Variants in DCC observed in about 807,000 individuals in gnomAD.
DCC encodes the protein DCC netrin 1 receptor.
A neutral mutation model predicts 172.5 loss-of-function variants in DCC; 58 were observed. The ratio of observed to expected loss-of-function variants is 0.34; its 90% CI spans 0.27 to 0.42. The LOEUF (loss-of-function observed/expected upper bound fraction) is 0.42, where lower values mean the gene tolerates loss of function less well. DCC is among the 10% of genes least tolerant of loss of function. The pLI is 1.00. For synonymous variants in DCC, 709 were observed against 644.5 expected, an observed-to-expected ratio of 1.10 and a Z score of -1.52; for missense variants, 1,740 against 1,791.0, an observed-to-expected ratio of 0.97 and a Z score of 0.51.
chr18:52,812,554 C>A (rs1446724866), intron 2 of DCC, among the ~76,000 whole-genome samples: 1 of 152,114 alleles, frequency 6.6e-6, no homozygotes, highest in East Asian at 1.9e-4. Context: ...AGTTATCATC[C>A]AAGTTCAATT....
chr18:53,291,153 G>A (rs945197226), intron 12 of DCC, among the ~76,000 whole-genome samples: 1 of 151,738 alleles, frequency 6.6e-6, no homozygotes, highest in Non-Finnish European at 1.5e-5. Flanking sequence ...GGGTGACAGA[G>A]CAAGACTGCA....
intron 5 of DCC, chr18:52,934,661 A>G (rs530711832): frequency 6.6e-6 from 1 of 152,092 alleles, no homozygotes; most frequent in Non-Finnish European, 1.5e-5. Flanking sequence ...TGAAATCCTA[A>G]CCCCCAATGT....
At position 53,122,799 on chromosome 18, in the gene DCC, A is replaced by G. The variant is rs540354759; in HGVS notation, c.1262-34557A>G. ...AATCACTTAAAACTAGTTAGTGTGA[A>G]AGCCCTATTTTGGGTATTTCCCATG... is the stretch of plus-strand genomic sequence containing the variant. On this transcript the variant is annotated intron_variant, in intron 7 of 28. Coordinates refer to ENST00000442544, the MANE Select transcript of DCC (RefSeq NM_005215.4). Among the ~76,000 whole-genome samples, 566 of 152,154 alleles carry G rather than the reference A, an allele frequency of 3.7e-3. 2 individuals are homozygous for G. The highest frequency in any genetic ancestry group is 0.013 in the African/African-American group (547 of 41,542).
At chr18:53,294,288 T>G (rs1034038745) in intron 12 of DCC, among the ~76,000 whole-genome samples, 1 of 152,172 alleles carries the variant, frequency 6.6e-6, no homozygotes, top group African/African-American at 2.4e-5. Context: ...ATCTTGGGGA[T>G]GAACAGGCAT....
chr18:53,226,003 A>G (rs8098405), intron 12 of DCC, among the ~76,000 whole-genome samples: 54,344 of 152,004 alleles, frequency 0.36, 10,955 homozygotes, highest in Non-Finnish European at 0.46. Flanking sequence ...TAACAGAAAA[A>G]TAGTAAGGCC....
intron 2 of DCC, among the ~76,000 whole-genome samples, chr18:52,792,343 A>T (rs1230554078): frequency 6.6e-6 from 1 of 152,180 alleles, no homozygotes; most frequent in Non-Finnish European, 1.5e-5. Context: ...ACATAGAGAG[A>T]TTAAGAGATG....
At chr18:53,424,932 G>A (rs1209291625) in intron 21 of DCC, among the ~76,000 whole-genome samples, 1 of 152,022 alleles carries the variant, frequency 6.6e-6, no homozygotes, top group African/African-American at 2.4e-5. Context: ...GCCAGTGAAG[G>A]CCTGCCTGCT....
intron 2 of DCC, among the ~76,000 whole-genome samples, chr18:52,875,794 T>A (rs1016710120): frequency 6.6e-6 from 1 of 152,222 alleles, no homozygotes; most frequent in Non-Finnish European, 1.5e-5. Flanking sequence ...CACTATCTTT[T>A]GGAGCTTTTC....
chr18:53,400,039 G>A (rs1909197844), intron 18 of DCC, among the ~76,000 whole-genome samples: 1 of 152,150 alleles, frequency 6.6e-6, no homozygotes, highest in Non-Finnish European at 1.5e-5. Context: ...TTGGTAAGGA[G>A]AATATAGTCT....
At chr18:52,775,773 G>C (rs1390041259) in intron 2 of DCC, among the ~76,000 whole-genome samples, 1 of 152,220 alleles carries the variant, frequency 6.6e-6, no homozygotes, top group East Asian at 1.9e-4. Context: ...CTGCCCACTA[G>C]GGTCTCAGGC....
At chr18:52,925,208 C>T in intron 4 of DCC, 26 bp from the exon 5 acceptor site, 1 of 1,608,994 alleles carries the variant, frequency 6.2e-7, no homozygotes, top group Non-Finnish European at 8.5e-7. Flanking sequence ...TGTTAATTTA[C>T]TCTGCACCTT....
At chr18:52,752,412 C>CT (rs1331732594) in intron 2 of DCC, 38 bp downstream of exon 2, 1 of 1,445,284 alleles carries the variant, frequency 6.9e-7, no homozygotes, top group Non-Finnish European at 9.7e-7. Flanking sequence ...CTCCTCCTTC[C>CT]TCTCTTCTTC....
chr18:53,125,452 C>T (rs543922365), intron 7 of DCC, among the ~76,000 whole-genome samples: 12 of 152,190 alleles, frequency 7.9e-5, no homozygotes, highest in Admixed American at 5.9e-4. Context: ...ATGGTGCTCT[C>T]TCACCACATA....
intron 9 of DCC, among the ~76,000 whole-genome samples, chr18:53,194,724 C>A (rs1023622420): frequency 6.6e-6 from 1 of 152,298 alleles, no homozygotes; most frequent in African/African-American, 2.4e-5. Flanking sequence ...CTCACCTTGG[C>A]CTCCCAAAGT....
intron 2 of DCC, among the ~76,000 whole-genome samples, chr18:52,770,799 C>T (rs534452802): frequency 6.6e-6 from 1 of 152,212 alleles, no homozygotes; most frequent in South Asian, 2.1e-4. Context: ...GAATCTTGGA[C>T]TTAGAAAAGA....
intron 1 of DCC, among the ~76,000 whole-genome samples, chr18:52,370,315 A>G (rs1210336291): frequency 6.6e-6 from 1 of 152,234 alleles, no homozygotes; most frequent in Non-Finnish European, 1.5e-5. Flanking sequence ...TAGCAAAGAC[A>G]TGGAATCAAC....
chr18:53,366,003 G>A (rs1008913506), intron 15 of DCC, among the ~76,000 whole-genome samples: 39 of 152,100 alleles, frequency 2.6e-4, no homozygotes, highest in African/African-American at 9.2e-4. Flanking sequence ...AGTAGATTTG[G>A]GTTGAATCCT....
At chr18:52,907,326 C>G (rs59797768) in intron 3 of DCC, among the ~76,000 whole-genome samples, 1 of 37,052 alleles carries the variant, frequency 2.7e-5, no homozygotes, top group African/African-American at 7.4e-5. Context: ...ATGTATATAT[C>G]CATATGGATA....
At chr18:52,899,019 G>A (rs1250088314) in intron 2 of DCC, among the ~76,000 whole-genome samples, 1 of 152,098 alleles carries the variant, frequency 6.6e-6, no homozygotes, top group Admixed American at 6.5e-5. Flanking sequence ...TTTCACAAAT[G>A]CCTTATGGAT....
Sources: gnomAD v4.1 joint callset for allele counts (sites outside exome capture counted in the v4.1 genomes callset) on GRCh38, gnomAD v4.1.1 for gene constraint, MANE v1.5 for transcripts, NCBI Gene and HGNC (gene_info 2026-07-23, HGNC 2026-07-21) for gene names.